The following OVCA2 variants were observed in gnomAD, a reference collection of about 807,000 sequenced individuals.
The protein encoded by OVCA2 is OVCA2 serine hydrolase domain containing.
A neutral mutation model predicts 10.1 loss-of-function variants in OVCA2; 14 were observed. That is an observed-to-expected ratio of 1.39 (90% CI 0.92 to 2.17). The LOEUF is 2.17. OVCA2 is among the 30% of genes most tolerant of loss of function. The pLI, the probability that OVCA2 is intolerant of heterozygous loss-of-function variation, is 0.00. For synonymous variants in OVCA2, 201 were observed against 134.1 expected (o/e 1.50, Z -3.45); for missense variants, 376 against 300.5 (o/e 1.25, Z -1.86).
intron 1 of OVCA2, 63 bp from the exon 2 acceptor site, chr17:2,042,542 A>T: frequency 2.1e-6 from 3 of 1,457,304 alleles, no homozygotes; most frequent in Non-Finnish European, 2.7e-6. Context: ...GCCCTTTCTC[A>T]TTTCTTTCCT....
Position 2,042,763 on chromosome 17 carries a change from C to T in OVCA2, c.343C>T (p.Leu115Phe), listed in dbSNP as rs138550949. ...GAACAGGCTGGGGCCTTTTGACGGCCTTCTTGGTTTCAGCCAAGGGGCTGC... is the reference window on the plus strand; with the variant it reads ...GAACAGGCTGGGGCCTTTTGACGGCTTTCTTGGTTTCAGCCAAGGGGCTGC... ...ALNRLGPFDG[L>F]LGFSQGAALA... Residue 115 changes from leucine (L) to phenylalanine (F), a missense_variant, in exon 2 of 2, where the codon CTT becomes TTT. Transcript: ENST00000572195. 136 of 1,608,116 alleles carry T rather than the reference C, an allele frequency of 8.5e-5. No individual in the cohort carries two copies. In the African/African-American group the frequency reaches 1.1e-3, roughly 13 times the overall value.
At position 2,042,057 on chromosome 17, in the gene OVCA2, C is replaced by T. The variant is rs913645650; in HGVS notation, c.10C>T (p.Gln4Ter). 1.4e-5 allele frequency: 22 copies of T among 1,536,298 alleles called. No homozygotes were observed. Among genetic ancestry groups the T allele is most frequent in the Non-Finnish European group, 1.8e-5 (21 of 1,149,548 alleles). Residue 4 changes from glutamine (Q) to a stop codon, truncating the protein, a stop_gained, in exon 1 of 2, where the codon CAG becomes TAG. Transcript: ENST00000572195. LOFTEE classifies it high-confidence loss of function. MAA[Q>*]RPLRVLCLAG... ...CTCCTTGCCGGGCATAATGGCCGCG[C>T]AGCGACCCCTGCGGGTCCTGTGCCT...
chr17:2,042,758 A>T lies in OVCA2; in HGVS notation c.338A>T (p.Asp113Val). The T allele has an allele frequency of 6.2e-7, 1 of 1,606,014 alleles. No homozygotes were observed. Among genetic ancestry groups the T allele is most frequent in the Non-Finnish European group, 8.5e-7 (1 of 1,176,512 alleles). ...GCACTGAACAGGCTGGGGCCTTTTG[A>T]CGGCCTTCTTGGTTTCAGCCAAGGG... ...AQALNRLGPF[D>V]GLLGFSQGAA... Residue 113 changes from aspartate to valine, a missense_variant, in exon 2 of 2, where the codon GAC becomes GTC. Physicochemically the swap from Asp to Val is radical, Grantham distance 152. Transcript: ENST00000572195.
At chr17:2,042,402 C>T (rs1000112259) in intron 1 of OVCA2, 171 bp downstream of exon 1, 153 of 1,252,594 alleles carry the variant, frequency 1.2e-4, no homozygotes, top group Admixed American at 3.6e-4. Context: ...AGCCTGTCCT[C>T]CCAGGCTTCC....
Position 2,042,951 on chromosome 17 carries a change from C to T in OVCA2, c.531C>T (p.Asp177=), listed in dbSNP as rs757461391. ...LSLPSLHVFG[D]TDKVIPSQES... ...TGCCTTCGCTCCATGTTTTTGGGGA[C>T]ACTGACAAAGTCATCCCCTCTCAGG... The change falls in exon 2 of 2, where the codon GAC becomes GAT. Residue 177 remains aspartate (D), a synonymous_variant. Transcript: ENST00000572195. The T allele has an allele frequency of 3.7e-6, 6 of 1,614,182 alleles. No homozygotes were observed. The highest frequency in any genetic ancestry group is 5.1e-6 in the Non-Finnish European group (6 of 1,180,040).
chr17:2,042,526 C>T (rs963665045), intron 1 of OVCA2, 79 bp from the exon 2 acceptor site: 31 of 1,458,470 alleles, frequency 2.1e-5, no homozygotes, highest in African/African-American at 4.3e-5. Context: ...CATCTCGAAC[C>T]CTCCTGCCCT....
rs1214216145 is a variant in OVCA2, at chr17:2,042,855, C to T, written c.435C>T (p.Ile145=). The change falls in exon 2 of 2, where the codon ATC becomes ATT. Residue 145 remains isoleucine, a synonymous_variant. Transcript: ENST00000572195. The stretch of plus-strand genomic sequence containing the variant: ...CCCGCTTCCCCTTGCCACGGTTTAT[C>T]CTCTTGGTGTCTGGTTTCTGTCCCC... ...GDPRFPLPRF[I]LLVSGFCPRG... The T allele has an allele frequency of 8.1e-6, 13 of 1,614,050 alleles. No homozygotes were observed. Among genetic ancestry groups the T allele is most frequent in the Non-Finnish European group, 1.1e-5 (13 of 1,180,030 alleles).
chr17:2,042,433 C>G, intron 1 of OVCA2, 172 bp from the exon 2 acceptor site: 1 of 1,258,826 alleles, frequency 7.9e-7, no homozygotes, highest in East Asian at 2.8e-5. Flanking sequence ...TCTTCCTCCG[C>G]TGTCTCCTGT....
At chr17:2,042,512 C>G (rs544431372) in intron 1 of OVCA2, 93 bp from the exon 2 acceptor site, 8 of 1,454,282 alleles carry the variant, frequency 5.5e-6, no homozygotes, top group East Asian at 4.9e-5. Flanking sequence ...CTTTTTCTCT[C>G]TGTCATCTCG....
rs1346057302 is a variant in OVCA2 at position 2,043,136 on chromosome 17, A to G, written c.*32A>G. 11 of 1,599,914 alleles carry G rather than the reference A, an allele frequency of 6.9e-6. No individual in the cohort carries two copies. The highest frequency in any genetic ancestry group is 4.5e-5 in the East Asian group (2 of 44,768). Reference sequence around the variant, plus strand: ...AAGAAATGTCTCTGCTCCTACATCCAGCTCCTCTAGGGGCAGCCTCCGTCA... The same window carrying G: ...AAGAAATGTCTCTGCTCCTACATCCGGCTCCTCTAGGGGCAGCCTCCGTCA... On this transcript the variant is annotated 3_prime_UTR_variant, in exon 2 of 2. Transcript: ENST00000572195.
Position 2,043,185 on chromosome 17 carries a change from A to T in OVCA2, c.*81A>T. 6.7e-7 allele frequency: 1 copy of T among 1,496,404 alleles called. No individual in the cohort carries two copies. Among genetic ancestry groups the T allele is most frequent in the Non-Finnish European group, 9.0e-7 (1 of 1,106,844 alleles). The allele number at this position is 1,496,404 out of a possible 1,614,324, so 92.7% of individuals were successfully genotyped here. On this transcript the variant is annotated 3_prime_UTR_variant, in exon 2 of 2. Coordinates refer to ENST00000572195, the MANE Select transcript of OVCA2 (RefSeq NM_080822.3). Reference sequence around the variant, plus strand: ...CATCCATGCCCTCCCAGGACCCTCCACTCACTGCTGTGAGTGCGCCTCACC... The same window carrying T: ...CATCCATGCCCTCCCAGGACCCTCCTCTCACTGCTGTGAGTGCGCCTCACC...
chr17:2,043,084 T>C lies in OVCA2; in HGVS notation c.664T>C (p.Leu222=). Residue 222 remains leucine, a synonymous_variant, in exon 2 of 2, where the codon TTG becomes CTG. Transcript: ENST00000572195. ...APQRQAYLKF[L]DQFAE is the part of the protein sequence containing the mutation. The stretch of plus-strand genomic sequence containing the variant: ...CCAGCGTCAGGCCTACCTCAAGTTC[T>C]TGGACCAGTTTGCAGAGTGAAAGAT... 6.2e-7 allele frequency: 1 copy of C among 1,613,726 alleles called. No homozygotes were observed. Among genetic ancestry groups the C allele is most frequent in the Non-Finnish European group, 8.5e-7 (1 of 1,179,950 alleles).
Position 2,042,618 on chromosome 17 carries a change from G to A in OVCA2, c.198G>A (p.Pro66=), listed in dbSNP as rs1337584447. The change falls in exon 2 of 2, where the codon CCG becomes CCA. Residue 66 remains proline, a synonymous_variant. Transcript: ENST00000572195. ...GARSDFGSCP[P]EEQPRGWWFS... ...ATATCGCTGTAGGGTCCTGCCCTCC[G>A]GAGGAGCAGCCTCGAGGCTGGTGGT... 11 of 1,518,978 alleles carry A rather than the reference G, an allele frequency of 7.2e-6. No homozygotes were observed. Among genetic ancestry groups the A allele is most frequent in the Middle Eastern group, 1.8e-4 (1 of 5,620 alleles). 94.1% of individuals were successfully genotyped at this position (1,518,978 alleles called of 1,614,324 possible).
At position 2,042,673 on chromosome 17, in the gene OVCA2, G is replaced by T. The variant is rs886225077; in HGVS notation, c.253G>T (p.Ala85Ser). Residue 85 changes from alanine to serine, a missense_variant, in exon 2 of 2, where the codon GCA (alanine) becomes TCA (serine). Transcript: ENST00000572195. The part of the protein sequence containing the change: ...FSEQEADVFS[A>S]LEEPAVCRGL... ...AGAGCAGGAGGCCGACGTTTTCTCC[G>T]CATTGGAAGAGCCCGCCGTCTGCAG... is the stretch of plus-strand genomic sequence containing the variant. The T allele has an allele frequency of 2.0e-6, 3 of 1,525,086 alleles. No homozygotes were observed. Among genetic ancestry groups the T allele is most frequent in the East Asian group, 2.3e-5 (1 of 44,202 alleles). The allele number at this position is 1,525,086 out of a possible 1,614,324, so 94.5% of individuals were successfully genotyped here.
At chr17:2,042,574 A>G in intron 1 of OVCA2, 31 bp from the exon 2 acceptor site, 2 of 1,505,042 alleles carry the variant, frequency 1.3e-6, no homozygotes, top group African/African-American at 2.8e-5. Context: ...CCCATGCCCT[A>G]ATCCCATCCT....
Position 2,042,181 on chromosome 17 carries a change from C to T in OVCA2, c.134C>T (p.Pro45Leu), listed in dbSNP as rs1463550931. 3 of 1,441,610 alleles carry T rather than the reference C, an allele frequency of 2.1e-6. No individual in the cohort carries two copies. The highest frequency in any genetic ancestry group is 2.8e-5 in the East Asian group (1 of 36,348). The allele number at this position is 1,441,610 out of a possible 1,614,324, so 89.3% of individuals were successfully genotyped here. The change falls in exon 1 of 2, where the codon CCG (proline) becomes CTG (leucine). Residue 45 changes from proline (P) to leucine (L), a missense_variant. Physicochemically the swap from Pro to Leu is moderately conservative, Grantham distance 98. Coordinates refer to ENST00000572195, the MANE Select transcript of OVCA2 (RefSeq NM_080822.3). ...GCCGAGCTCGTGTGCCTCAGCGGCC[C>T]GCACCCGGTCCCCGACCCCCCGGGC... ...GRAELVCLSG[P>L]HPVPDPPGPE...
Position 2,042,992 on chromosome 17 carries a change from C to T in OVCA2, c.572C>T (p.Ala191Val), listed in dbSNP as rs750414536. ...CCCTCTCAGGAGAGTGTGCAACTGGCCAGCCAATTTCCCGGAGCCATCACC... is the reference window on the plus strand; with the variant it reads ...CCCTCTCAGGAGAGTGTGCAACTGGTCAGCCAATTTCCCGGAGCCATCACC... ...VIPSQESVQL[A>V]SQFPGAITLT... is the part of the protein sequence containing the mutation. Residue 191 changes from alanine to valine, a missense_variant, in exon 2 of 2, where the codon GCC (alanine) becomes GTC (valine). Transcript: ENST00000572195. 5 of 1,613,886 alleles carry T rather than the reference C, an allele frequency of 3.1e-6. No homozygotes were observed. In the African/African-American group the frequency reaches 4.0e-5, roughly 13 times the overall value.
Position 2,042,155 on chromosome 17 carries a change from C to T in OVCA2, c.108C>T (p.Arg36=), listed in dbSNP as rs561253506. 120 of 1,503,982 alleles carry T rather than the reference C, an allele frequency of 8.0e-5. No homozygotes were observed. In the South Asian group the frequency reaches 1.3e-3, roughly 17 times the overall value. The allele number at this position is 1,503,982 out of a possible 1,614,324, so 93.2% of individuals were successfully genotyped here. Residue 36 remains arginine, a synonymous_variant, in exon 1 of 2, where the codon CGC becomes CGT. Transcript: ENST00000572195. The part of the protein sequence containing the change: ...TGALRKALRG[R]AELVCLSGPH... Reference sequence around the variant, plus strand: ...CGCTGAGGAAGGCGCTGCGGGGTCGCGCCGAGCTCGTGTGCCTCAGCGGCC... The same window carrying T: ...CGCTGAGGAAGGCGCTGCGGGGTCGTGCCGAGCTCGTGTGCCTCAGCGGCC...
In OVCA2 at chr17:2,042,062, A is replaced by G. The variant is rs745550560; in HGVS notation, c.15A>G (p.Arg5=). MAAQ[R]PLRVLCLAGF... ...TGCCGGGCATAATGGCCGCGCAGCG[A>G]CCCCTGCGGGTCCTGTGCCTGGCGG... The change falls in exon 1 of 2, where the codon CGA becomes CGG. Residue 5 remains arginine, a synonymous_variant. Coordinates refer to ENST00000572195, the MANE Select transcript of OVCA2 (RefSeq NM_080822.3). The G allele has an allele frequency of 3.9e-6, 6 of 1,541,396 alleles. No individual in the cohort carries two copies. The African/African-American group carries it at 4.2e-5, about 11-fold the overall frequency.
Sources: allele counts gnomAD v4.1 joint callset, GRCh38; gene constraint gnomAD v4.1.1; transcripts MANE v1.5; gene names NCBI Gene and HGNC (gene_info 2026-07-23, HGNC 2026-07-21).